The following HOXD4 variants were observed in gnomAD, a reference collection of about 807,000 sequenced individuals.
HOXD4 encodes homeobox protein Hox-D4.
HOXD4 carries 15 observed loss-of-function variants against 22.6 expected under a neutral mutation model. The observed-to-expected ratio is 0.67, with a 90% CI of 0.45 to 1.02. HOXD4 has a LOEUF of 1.02. Ranked by LOEUF, HOXD4 falls within the 50% of genes least tolerant of loss-of-function variation. The probability of loss-of-function intolerance (pLI) is 0.00; values close to 1 mark genes in which losing one functional copy is unlikely to be tolerated. For missense variants in HOXD4, 350 were observed against 346.6 expected, an observed-to-expected ratio of 1.01 and a Z score of -0.08; for synonymous variants, 176 against 157.0, an observed-to-expected ratio of 1.12 and a Z score of -0.90.
rs1339803859 is a variant in HOXD4 at position 176,152,214 on chromosome 2, A to G, written c.433+148A>G. ...CATAAATTTTTATAGCTGAGGGAGC[A>G]GGTCAGGACCATGTGGCTGGCTGCT... On this transcript the variant is annotated intron_variant, in intron 1 of 1. Transcript: ENST00000306324. This position sits in a 1 kb window ranked among gnomAD's most constrained non-coding sequence, Gnocchi z 5.2. 2.5e-5 allele frequency: 12 copies of G among 470,666 alleles called. No individual in the cohort carries two copies. Among genetic ancestry groups the G allele is most frequent in the Non-Finnish European group, 4.3e-5 (11 of 257,738 alleles). 29.2% of individuals were successfully genotyped at this position (470,666 alleles called of 1,614,324 possible). A position where few individuals can be genotyped will look rare whatever the true frequency, so the allele number is the denominator to read the frequency against.
At position 176,152,618 on chromosome 2, in the gene HOXD4, C is replaced by A. The variant is rs200241025; in HGVS notation, c.444C>A (p.Asn148Lys). The A allele has an allele frequency of 9.6e-5, 155 of 1,614,042 alleles. No homozygotes were observed. Among genetic ancestry groups the A allele is most frequent in the Non-Finnish European group, 1.2e-4 (142 of 1,179,946 alleles). Reference protein sequence around the residue: ...KKVHVNSVNPNYTGGEPKRSR... With the variant: ...KKVHVNSVNPKYTGGEPKRSR... ...TGTTTTGTCTCGCAGTGAACCCCAA[C>A]TACACCGGTGGGGAACCCAAGCGGT... The change falls in exon 2 of 2, where the codon AAC becomes AAA. Residue 148 changes from asparagine (N) to lysine (K), a missense_variant. Physicochemically the swap from Asn to Lys is moderately conservative, Grantham distance 94 (BLOSUM62 0). Coordinates refer to ENST00000306324, the MANE Select transcript of HOXD4 (RefSeq NM_014621.3). This position sits in a 1 kb window ranked among gnomAD's most constrained non-coding sequence, Gnocchi z 5.2.
Position 176,152,167 on chromosome 2 carries a change from T to G in HOXD4, c.433+101T>G. On this transcript the variant is annotated intron_variant, in intron 1 of 1. Transcript: ENST00000306324. This position sits in a 1 kb window ranked among gnomAD's most constrained non-coding sequence, Gnocchi z 5.2. ...TAGGTGGGGGCGTGTGGAGCTTCCA[T>G]GGGCGCCGCAATTACTCTCCCCATA... The G allele has an allele frequency of 1.1e-6, 1 of 919,952 alleles. No individual in the cohort carries two copies. Among genetic ancestry groups the G allele is most frequent in the Non-Finnish European group, 1.7e-6 (1 of 587,420 alleles). The allele number at this position is 919,952 out of a possible 1,614,324, so 57.0% of individuals were successfully genotyped here.
Position 176,151,886 on chromosome 2 carries a change from C to A in HOXD4, c.253C>A (p.Pro85Thr). 4 of 1,585,756 alleles carry A rather than the reference C, an allele frequency of 2.5e-6. No homozygotes were observed. Among genetic ancestry groups the A allele is most frequent in the Non-Finnish European group, 3.4e-6 (4 of 1,165,752 alleles). Reference sequence around the variant, plus strand: ...GGGTCACGGACAAGAGCCAGGCGGCCCCGGCGGTCACTACGCCGCTCCAGG... The same window carrying A: ...GGGTCACGGACAAGAGCCAGGCGGCACCGGCGGTCACTACGCCGCTCCAGG... ...ARGHGQEPGGPGGHYAAPGEP... is the reference protein window; with the variant it reads ...ARGHGQEPGGTGGHYAAPGEP... Residue 85 changes from proline (P) to threonine (T), a missense_variant, in exon 1 of 2, where the codon CCC (proline) becomes ACC (threonine). By Grantham distance (38) the Pro-to-Thr change is conservative. Transcript: ENST00000306324.
In HOXD4 at chr2:176,152,478, G is replaced by T. The variant is rs1055573177; in HGVS notation, c.434-130G>T. On this transcript the variant is annotated intron_variant, in intron 1 of 1. Transcript: ENST00000306324. This position sits in a 1 kb window ranked among gnomAD's most constrained non-coding sequence, Gnocchi z 5.2. ...CCGGGGAGAGGGCGGGAGGGAGGAA[G>T]CAAGCGAGCTTGGGAGCGCGCGGGG... 24 of 764,044 alleles carry T rather than the reference G, an allele frequency of 3.1e-5. No individual in the cohort carries two copies. In the African/African-American group the frequency reaches 4.1e-4, roughly 13 times the overall value. 47.3% of individuals were successfully genotyped at this position (764,044 alleles called of 1,614,324 possible).
chr2:176,153,127 G>C lies in HOXD4; in HGVS notation c.*185G>C. 1.9e-6 allele frequency: 1 copy of C among 534,104 alleles called. No homozygotes were observed. The highest frequency in any genetic ancestry group is 2.0e-5 in the South Asian group (1 of 50,618). 33.1% of individuals were successfully genotyped at this position (534,104 alleles called of 1,614,324 possible). On this transcript the variant is annotated 3_prime_UTR_variant, in exon 2 of 2. Transcript: ENST00000306324. Reference sequence around the variant, plus strand: ...GCAGCCCCCTCCCTAGAGCGGGATGGGGATGGGAGGGGGGGCGGGATTCTC... The same window carrying C: ...GCAGCCCCCTCCCTAGAGCGGGATGCGGATGGGAGGGGGGGCGGGATTCTC...
In HOXD4 at chr2:176,151,899, A is replaced by G; in HGVS notation, c.266A>G (p.Tyr89Cys). ...GAGCCAGGCGGCCCCGGCGGTCACTACGCCGCTCCAGGAGAGCCTTGCCCA... is the reference window on the plus strand; with the variant it reads ...GAGCCAGGCGGCCCCGGCGGTCACTGCGCCGCTCCAGGAGAGCCTTGCCCA... ...GQEPGGPGGH[Y>C]AAPGEPCPAP... The change falls in exon 1 of 2, where the codon TAC becomes TGC. Residue 89 changes from tyrosine to cysteine, a missense_variant. Tyr to Cys is a radical substitution (Grantham distance 194). Transcript: ENST00000306324. 1 of 1,590,334 alleles carries G rather than the reference A, an allele frequency of 6.3e-7. No individual in the cohort carries two copies. Among genetic ancestry groups the G allele is most frequent in the Non-Finnish European group, 8.6e-7 (1 of 1,168,206 alleles).
In HOXD4 at chr2:176,151,815, C is replaced by T. The variant is rs772572412; in HGVS notation, c.182C>T (p.Pro61Leu). Residue 61 changes from proline to leucine, a missense_variant, in exon 1 of 2, where the codon CCT (proline) becomes CTT (leucine). By Grantham distance (98) the Pro-to-Leu change is moderately conservative. Coordinates refer to ENST00000306324, the MANE Select transcript of HOXD4 (RefSeq NM_014621.3). ...CCACGGCCCGACTTCGGTGAGCAGC[C>T]TTTCGGAGGCAGCGGCCCCGGGCCT... Reference protein sequence around the residue: ...LYPRPDFGEQPFGGSGPGPGS... With the variant: ...LYPRPDFGEQLFGGSGPGPGS... 1 of 1,609,302 alleles carries T rather than the reference C, an allele frequency of 6.2e-7. No individual in the cohort carries two copies. Among genetic ancestry groups the T allele is most frequent in the Admixed American group, 1.7e-5 (1 of 59,524 alleles).
Position 176,152,002 on chromosome 2 carries a change from CG to C in HOXD4, c.372del (p.Thr125ArgfsTer13). The C allele has an allele frequency of 6.2e-7, 1 of 1,613,400 alleles. No individual in the cohort carries two copies. Among genetic ancestry groups the C allele is most frequent in the Non-Finnish European group, 8.5e-7 (1 of 1,179,812 alleles). On this transcript the variant is annotated frameshift_variant, in exon 1 of 2. Coordinates refer to ENST00000306324, the MANE Select transcript of HOXD4 (RefSeq NM_014621.3). LOFTEE classifies it high-confidence loss of function. This position sits in a 1 kb window ranked among gnomAD's most constrained non-coding sequence, Gnocchi z 5.2. ...SQSDPKQPPS[G>X]TALKQPAVVY... is the part of the protein sequence containing the mutation. ...AGTCCGACCCCAAGCAGCCGCCCTC[CG>C]GGACGGCACTCAAGCAGCCGGCCGT...
Position 176,151,838 on chromosome 2 carries a change from C to G in HOXD4, c.205C>G (p.Pro69Ala). ...GCCTTTCGGAGGCAGCGGCCCCGGG[C>G]CTGGCTCGGCGCTGCCTGCGCGGGG... ...EQPFGGSGPG[P>A]GSALPARGHG... Residue 69 changes from proline (P) to alanine (A), a missense_variant, in exon 1 of 2, where the codon CCT becomes GCT. Coordinates refer to ENST00000306324, the MANE Select transcript of HOXD4 (RefSeq NM_014621.3). 6.3e-7 allele frequency: 1 copy of G among 1,598,452 alleles called. No individual in the cohort carries two copies. The highest frequency in any genetic ancestry group is 1.1e-5 in the South Asian group (1 of 90,060).
Sources: allele counts gnomAD v4.1 joint callset, GRCh38; gene constraint gnomAD v4.1.1; non-coding constraint Gnocchi (gnomAD v3.1); transcripts MANE v1.5; gene names NCBI Gene and HGNC (gene_info 2026-07-23, HGNC 2026-07-21).